REST: variants seen among roughly 807,000 people sequenced by gnomAD.
REST encodes the protein RE1-silencing transcription factor.
REST carries 1 observed loss-of-function variant against 30.4 expected under a neutral mutation model. That is an observed-to-expected ratio of 0.03 (90% CI 0.01 to 0.16). REST has a LOEUF of 0.16. Among genes scored for constraint, REST ranks in the 10% least tolerant of loss-of-function variants. The pLI is 1.00. For missense variants in REST, 1,259 were observed against 1,329.5 expected (o/e 0.95, Z 0.82); for synonymous variants, 504 against 451.1 (o/e 1.12, Z -1.49).
chr4:56,909,918 C>A (rs1194232213), intron 1 of REST, among the ~76,000 whole-genome samples: 1 of 152,094 alleles, frequency 6.6e-6, no homozygotes, highest in African/African-American at 2.4e-5. Context: ...GGAACTTCAG[C>A]CTGCAGAAAA....
rs1427703042 is a variant in REST, at chr4:56,932,416, G to A, written c.*264G>A. On this transcript the variant is annotated 3_prime_UTR_variant, in exon 4 of 4. Transcript: ENST00000309042. ...ATTAGAAGGCTAAGATGGTATAACA[G>A]CATTTTATTGCTTTGTCCAGCTACA... 2 of 304,224 alleles carry A rather than the reference G, an allele frequency of 6.6e-6. No homozygotes were observed. The highest frequency in any genetic ancestry group is 4.6e-5 in the Admixed American group (1 of 21,536). The allele number at this position is 304,224 out of a possible 1,614,324, so 18.8% of individuals were successfully genotyped here. A position where few individuals can be genotyped will look rare whatever the true frequency, so the allele number is the denominator to read the frequency against.
rs2228991 is a variant in REST, at chr4:56,930,734, G to C, written c.1876G>C (p.Val626Leu). The change falls in exon 4 of 4, where the codon GTT becomes CTT. Residue 626 changes from valine (V) to leucine (L), a missense_variant. Val to Leu is a conservative substitution (Grantham distance 32). Around this residue, in one of 5 missense-constraint regions of REST, gnomAD observed 856 missense variants for 772.8 expected, o/e 1.11. Coordinates refer to ENST00000309042, the MANE Select transcript of REST (RefSeq NM_005612.5). ...CACAGAGGCGGTTCAGAAGGGGCCCGTTCAGGTGGAGCCGCCACCTCCCAT... is the reference window on the plus strand; with the variant it reads ...CACAGAGGCGGTTCAGAAGGGGCCCCTTCAGGTGGAGCCGCCACCTCCCAT... ...APTEAVQKGP[V>L]QVEPPPPMEH... 6.2e-7 allele frequency: 1 copy of C among 1,601,708 alleles called. No individual in the cohort carries two copies. Among genetic ancestry groups the C allele is most frequent in the Middle Eastern group, 1.7e-4 (1 of 5,944 alleles).
rs866077415 is a variant in REST at position 56,935,206 on chromosome 4, A to G, written c.*3054A>G. 1.3e-5 allele frequency: 2 copies of G among 152,184 alleles called. No individual in the cohort carries two copies. The highest frequency in any genetic ancestry group is 4.1e-4 in the South Asian group (2 of 4,836). 9.4% of individuals were successfully genotyped at this position (152,184 alleles called of 1,614,324 possible). On this transcript the variant is annotated 3_prime_UTR_variant, in exon 4 of 4. Transcript: ENST00000309042. ...TGCATGTCACCCTATGAATGTTGACAATGGAAGGAATACCTTGCCTGTAGT... is the reference window on the plus strand; with the variant it reads ...TGCATGTCACCCTATGAATGTTGACGATGGAAGGAATACCTTGCCTGTAGT...
chr4:56,909,136 G>C (rs1719773387), intron 1 of REST: 1 of 152,504 alleles, frequency 6.6e-6, no homozygotes, highest in Non-Finnish European at 1.5e-5. Flanking sequence ...AGCGCCTCGA[G>C]CTTGATCCCC....
intron 3 of REST, among the ~76,000 whole-genome samples, chr4:56,921,347 T>G (rs544284236): frequency 6.6e-6 from 1 of 152,288 alleles, no homozygotes; most frequent in African/African-American, 2.4e-5. Context: ...TTCGAAACAT[T>G]AGTAGTTTGA....
rs113136533 is a variant in REST at position 56,931,816 on chromosome 4, C to A, written c.2958C>A (p.Ser986=). 541 of 1,614,138 alleles carry A rather than the reference C, an allele frequency of 3.4e-4. 9 individuals are homozygous for A. The African/African-American group carries it at 6.1e-3, about 18-fold the overall frequency. ...PSAVEEREAV[S]KTALASPPAT... ...CAGTAGAAGAACGTGAAGCAGTGTC[C>A]AAAACTGCACTGGCATCACCTCCTG... Residue 986 remains serine (S), a synonymous_variant, in exon 4 of 4, where the codon TCC becomes TCA. Transcript: ENST00000309042.
At position 56,910,723 on chromosome 4, in the gene REST, G is replaced by A. The variant is rs948833888; in HGVS notation, c.85G>A (p.Asp29Asn). ...CAACATTGGAATGGCCCTGCCTAACGACATGTATGACTTGCATGACCTTTC... is the reference window on the plus strand; with the variant it reads ...CAACATTGGAATGGCCCTGCCTAACAACATGTATGACTTGCATGACCTTTC... ...SGNIGMALPN[D>N]MYDLHDLSKA... is the part of the protein sequence containing the mutation. Residue 29 changes from aspartate to asparagine, a missense_variant, in exon 2 of 4, where the codon GAC becomes AAC. Physicochemically the swap from Asp to Asn is conservative, Grantham distance 23 (BLOSUM62 1). Transcript: ENST00000309042. 3.1e-6 allele frequency: 5 copies of A among 1,614,040 alleles called. No individual in the cohort carries two copies. Among genetic ancestry groups the A allele is most frequent in the Admixed American group, 3.3e-5 (2 of 59,996 alleles).
In REST at chr4:56,931,862, T is replaced by A. The variant is rs770764679; in HGVS notation, c.3004T>A (p.Ser1002Thr). The part of the protein sequence containing the change: ...SPPATMAANE[S>T]QEIDEDEGIH... ...TCCTGCTACAATGGCAGCAAATGAG[T>A]CTCAGGAAATTGATGAAGATGAAGG... is the stretch of plus-strand genomic sequence containing the variant. The change falls in exon 4 of 4, where the codon TCT (serine) becomes ACT (threonine). Residue 1002 changes from serine to threonine, a missense_variant. Around this residue, in one of 5 missense-constraint regions of REST, gnomAD observed 856 missense variants for 772.8 expected, o/e 1.11. Coordinates refer to ENST00000309042, the MANE Select transcript of REST (RefSeq NM_005612.5). 2 of 1,614,000 alleles carry A rather than the reference T, an allele frequency of 1.2e-6. No individual in the cohort carries two copies. Among genetic ancestry groups the A allele is most frequent in the South Asian group, 2.2e-5 (2 of 91,074 alleles).
At chr4:56,929,556 T>C (rs928825065) in intron 3 of REST, among the ~76,000 whole-genome samples, 1 of 152,242 alleles carries the variant, frequency 6.6e-6, no homozygotes, top group Non-Finnish European at 1.5e-5. Flanking sequence ...AATTGAACTT[T>C]GCCAATATGT....
intron 2 of REST, among the ~76,000 whole-genome samples, chr4:56,916,851 C>T (rs1720221066): frequency 6.6e-6 from 1 of 152,072 alleles, no homozygotes; most frequent in Admixed American, 6.6e-5. Context: ...TTTGTGTGGA[C>T]GTATGTTTTT....
chr4:56,912,363 G>C lies in REST; in HGVS notation c.898+827G>C, dbSNP rs571082660. 2.4e-3 allele frequency among the ~76,000 whole-genome samples: 293 copies of C among 120,484 alleles called. 1 individual carries two copies. Among genetic ancestry groups the C allele is most frequent in the Non-Finnish European group, 3.7e-3 (219 of 59,180 alleles). The allele number at this position is 120,484 out of a possible 152,430, so 79.0% of individuals were successfully genotyped here. ...ACTTTTTTTTTTTTTTTTTTTTTGA[G>C]ACAGTCTGGCTTTGTCGCCCAGGCT... On this transcript the variant is annotated intron_variant, in intron 2 of 3. Coordinates refer to ENST00000309042, the MANE Select transcript of REST (RefSeq NM_005612.5).
At position 56,911,000 on chromosome 4, in the gene REST, C is replaced by T. The variant is rs773267428; in HGVS notation, c.362C>T (p.Pro121Leu). ...LRSLELSVVE[P>L]QPVFEASGAP... is the part of the protein sequence containing the mutation. The stretch of plus-strand genomic sequence containing the variant: ...AGTTTGGAACTCAGCGTCGTAGAAC[C>T]TCAGCCTGTATTTGAGGCATCAGGT... The change falls in exon 2 of 4, where the codon CCT (proline) becomes CTT (leucine). Residue 121 changes from proline to leucine, a missense_variant. Physicochemically the swap from Pro to Leu is moderately conservative, Grantham distance 98. Coordinates refer to ENST00000309042, the MANE Select transcript of REST (RefSeq NM_005612.5). 6.2e-7 allele frequency: 1 copy of T among 1,614,188 alleles called. No homozygotes were observed. Among genetic ancestry groups the T allele is most frequent in the Non-Finnish European group, 8.5e-7 (1 of 1,180,044 alleles).
At position 56,930,424 on chromosome 4, in the gene REST, G is replaced by A. The variant is rs1181905890; in HGVS notation, c.1566G>A (p.Lys522=). ...GTAAAACTAAGAAAAGCAAAAGGAA[G>A]CTGGAAGTTGACAGCCATTCTTTAC... ...KFSKTKKSKR[K]LEVDSHSLHG... Residue 522 remains lysine, a synonymous_variant, in exon 4 of 4, where the codon AAG becomes AAA. Transcript: ENST00000309042. The A allele has an allele frequency of 1.9e-6, 3 of 1,613,832 alleles. No individual in the cohort carries two copies. The Admixed American group carries it at 5.0e-5, about 27-fold the overall frequency.
chr4:56,929,078 T>C (rs1720843888), intron 3 of REST, among the ~76,000 whole-genome samples: 1 of 151,794 alleles, frequency 6.6e-6, no homozygotes, highest in African/African-American at 2.4e-5. Flanking sequence ...TTTTTTTTTT[T>C]TTTTTCTTTG....
In REST at chr4:56,911,000, C is replaced by G. The variant is rs773267428; in HGVS notation, c.362C>G (p.Pro121Arg). ...AGTTTGGAACTCAGCGTCGTAGAAC[C>G]TCAGCCTGTATTTGAGGCATCAGGT... ...LRSLELSVVE[P>R]QPVFEASGAP... The change falls in exon 2 of 4, where the codon CCT (proline) becomes CGT (arginine). Residue 121 changes from proline to arginine, a missense_variant. This residue lies in a region of REST where 249 missense variants were observed against 251.5 expected (regional missense o/e 0.99). Coordinates refer to ENST00000309042, the MANE Select transcript of REST (RefSeq NM_005612.5). 15 of 1,614,070 alleles carry G rather than the reference C, an allele frequency of 9.3e-6. 1 individual carries two copies. The highest frequency in any genetic ancestry group is 1.6e-4 in the Middle Eastern group (1 of 6,084).
At chr4:56,908,429 G>A (rs1210210812) in intron 1 of REST, among the ~76,000 whole-genome samples, 1 of 151,826 alleles carries the variant, frequency 6.6e-6, no homozygotes, top group Non-Finnish European at 1.5e-5. Context: ...GGGGCTGGGG[G>A]CGTTTGTTGG....
rs1720910376 is a variant in REST at position 56,930,519 on chromosome 4, A to G, written c.1661A>G (p.Asn554Ser). 2 of 1,610,540 alleles carry G rather than the reference A, an allele frequency of 1.2e-6. No homozygotes were observed. Among genetic ancestry groups the G allele is most frequent in the South Asian group, 1.1e-5 (1 of 90,060 alleles). Residue 554 changes from asparagine (N) to serine (S), a missense_variant, in exon 4 of 4, where the codon AAT becomes AGT. Asn to Ser is a conservative substitution (Grantham distance 46). This residue lies in a region of REST where 856 missense variants were observed against 772.8 expected (regional missense o/e 1.11). Coordinates refer to ENST00000309042, the MANE Select transcript of REST (RefSeq NM_005612.5). ...KKKVESKSKN[N>S]SQEVPKGDSK... ...AAGGTAGAAAGCAAATCCAAAAATA[A>G]TAGTCAGGAAGTGCCAAAGGGTGAC... is the stretch of plus-strand genomic sequence containing the variant.
At chr4:56,917,443 C>G (rs892000301) in intron 2 of REST, among the ~76,000 whole-genome samples, 1 of 152,142 alleles carries the variant, frequency 6.6e-6, no homozygotes, top group Non-Finnish European at 1.5e-5. Context: ...GCCTACCTCC[C>G]AAAGTGCTGG....
chr4:56,919,676 A>G, intron 2 of REST, 111 bp from the exon 3 acceptor site: 1 of 526,992 alleles, frequency 1.9e-6, no homozygotes, highest in Non-Finnish European at 3.3e-6. Context: ...ATAGGAAAAA[A>G]AAATTCTTGT....
Sources: gnomAD v4.1 joint callset for allele counts (sites outside exome capture counted in the v4.1 genomes callset) on GRCh38, gnomAD v4.1.1 for gene constraint, gnomAD v4.1.1 regional missense constraint, MANE v1.5 for transcripts, NCBI Gene and HGNC (gene_info 2026-07-23, HGNC 2026-07-21) for gene names.